MYO1B: variants seen among roughly 807,000 people sequenced by gnomAD.
MYO1B encodes myosin IB, also known as unconventional myosin-Ib.
MYO1B carries 72 observed loss-of-function variants against 159.7 expected under a neutral mutation model. The ratio of observed to expected loss-of-function variants is 0.45; its 90% CI spans 0.37 to 0.55. The LOEUF (loss-of-function observed/expected upper bound fraction) is 0.55. Ranked by LOEUF, MYO1B falls within the 20% of genes least tolerant of loss-of-function variation. MYO1B has a pLI of 0.00. For missense variants in MYO1B, 1,062 were observed against 1,364.8 expected (o/e 0.78, Z 3.50); for synonymous variants, 468 against 473.8 (o/e 0.99, Z 0.16).
intron 30 of MYO1B, among the ~76,000 whole-genome samples, chr2:191,420,000 A>G (rs949635213): frequency 2.0e-4 from 30 of 152,134 alleles, no homozygotes; most frequent in Admixed American, 1.4e-3. Context: ...TAGGAGTTCA[A>G]TACCAGCCTG....
chr2:191,271,077 A>C (rs192022170), intron 1 of MYO1B, among the ~76,000 whole-genome samples: 1 of 152,240 alleles, frequency 6.6e-6, no homozygotes, highest in Non-Finnish European at 1.5e-5. Context: ...TCAGGAAATA[A>C]AGATGAATAA....
chr2:191,339,606 A>T (rs533518003), intron 4 of MYO1B, among the ~76,000 whole-genome samples: 1 of 152,310 alleles, frequency 6.6e-6, no homozygotes, highest in South Asian at 2.1e-4. Context: ...CAGACAACCT[A>T]TTTGGATTCC....
rs146312807 is a variant in MYO1B, at chr2:191,363,780, C to T, written c.818C>T (p.Ala273Val). ...GATCATGAAGCTGAGTCTGTCTTGG[C>T]GGTGGTGGCAGCAGTGTTGAAACTG... ...FMDHEAESVL[A>V]VVAAVLKLGN... Residue 273 changes from alanine to valine, a missense_variant, in exon 10 of 31, where the codon GCG (alanine) becomes GTG (valine). By Grantham distance (64) the Ala-to-Val change is moderately conservative. Transcript: ENST00000392318. 3.0e-5 allele frequency: 49 copies of T among 1,613,326 alleles called. No individual in the cohort carries two copies. Among genetic ancestry groups the T allele is most frequent in the South Asian group, 1.2e-4 (11 of 91,042 alleles).
chr2:191,398,430 C>CA lies in MYO1B; in HGVS notation c.2295+1933_2295+1934insA, dbSNP rs1468189443. On this transcript the variant is annotated intron_variant, in intron 21 of 30. Coordinates refer to ENST00000392318, the MANE Select transcript of MYO1B (RefSeq NM_001130158.3). Reference sequence around the variant, plus strand: ...TGGCCGGGCGGGGGGCTGACCCCCCCCCACCTCCCTCCCGGACGGAGACGC... The same window carrying CA: ...TGGCCGGGCGGGGGGCTGACCCCCCCACCACCTCCCTCCCGGACGGAGACGC... Among the ~76,000 whole-genome samples the CA allele has an allele frequency of 5.5e-5, 8 of 145,846 alleles. 1 individual carries two copies. The highest frequency in any genetic ancestry group is 5.4e-4 in the Admixed American group (8 of 14,862).
At chr2:191,321,191 C>T (rs989125895) in intron 3 of MYO1B, among the ~76,000 whole-genome samples, 1 of 152,152 alleles carries the variant, frequency 6.6e-6, no homozygotes, top group Non-Finnish European at 1.5e-5. Flanking sequence ...CAGTAGGGAA[C>T]ATCTGTCTGT....
rs144710219 is a variant in MYO1B, at chr2:191,378,633, G to A, written c.1186-2829G>A. On this transcript the variant is annotated intron_variant, in intron 13 of 30. Coordinates refer to ENST00000392318, the MANE Select transcript of MYO1B (RefSeq NM_001130158.3). ...TATACGTGCTGGTCACTGGGGATAC[G>A]ATGGCTTAGCTTGGGCTCAGAGGCT... Among the ~76,000 whole-genome samples, 39 of 152,276 alleles carry A rather than the reference G, an allele frequency of 2.6e-4. 1 individual carries two copies. Among genetic ancestry groups the A allele is most frequent in the African/African-American group, 7.9e-4 (33 of 41,558 alleles).
chr2:191,387,577 T>C (rs761598279), intron 17 of MYO1B, 127 bp downstream of exon 17: 8 of 807,628 alleles, frequency 9.9e-6, no homozygotes. Flanking sequence ...ACAGATTAAA[T>C]AATACCTTAT....
chr2:191,318,548 C>T lies in MYO1B; in HGVS notation c.252-11387C>T, dbSNP rs544427635. Among the ~76,000 whole-genome samples the T allele has an allele frequency of 2.3e-3, 354 of 152,328 alleles. 2 individuals carry two copies. The highest frequency in any genetic ancestry group is 6.5e-3 in the Admixed American group (99 of 15,302). On this transcript the variant is annotated intron_variant, in intron 3 of 30. Coordinates refer to ENST00000392318, the MANE Select transcript of MYO1B (RefSeq NM_001130158.3). ...GTCTCTGTTCCGATCCAAGGTCTCT[C>T]GCTTCTACCCAGCTGTTCTGGGAGG...
chr2:191,249,832 TCTC>T (rs1326981105), intron 1 of MYO1B, among the ~76,000 whole-genome samples: 2 of 152,164 alleles, frequency 1.3e-5, no homozygotes, highest in African/African-American at 4.8e-5. Flanking sequence ...GCTATGAAAT[TCTC>T]CTCCACTGGC....
rs1198272174 is a variant in MYO1B at position 191,424,136 on chromosome 2, A to C, written c.*176A>C. 1.4e-6 allele frequency: 1 copy of C among 717,876 alleles called. No individual in the cohort carries two copies. Among genetic ancestry groups the C allele is most frequent in the Non-Finnish European group, 2.3e-6 (1 of 437,906 alleles). The allele number at this position is 717,876 out of a possible 1,614,324, so 44.5% of individuals were successfully genotyped here. ...TTATTGGAATAGTTTTAACCTTTCA[A>C]ATACATGTTCTGTCCTGGAGCAGGA... On this transcript the variant is annotated 3_prime_UTR_variant, in exon 31 of 31. Transcript: ENST00000392318.
chr2:191,366,086 T>C (rs1693993040), intron 11 of MYO1B, among the ~76,000 whole-genome samples: 1 of 152,194 alleles, frequency 6.6e-6, no homozygotes, highest in Non-Finnish European at 1.5e-5. Flanking sequence ...GCCACCGAGT[T>C]TGGACATTTT....
chr2:191,328,224 G>A (rs1358876751), intron 3 of MYO1B, among the ~76,000 whole-genome samples: 1 of 152,182 alleles, frequency 6.6e-6, no homozygotes, highest in East Asian at 1.9e-4. Flanking sequence ...GCACATCAAA[G>A]GTGTTCAGTA....
intron 11 of MYO1B, among the ~76,000 whole-genome samples, chr2:191,369,070 A>C (rs1268430908): frequency 6.6e-6 from 1 of 152,128 alleles, no homozygotes; most frequent in Non-Finnish European, 1.5e-5. Flanking sequence ...TTGAATTTCC[A>C]TTTCTGTGTA....
In MYO1B at chr2:191,373,548, C is replaced by T. The variant is rs762677707; in HGVS notation, c.1185+3256C>T. ...CCCAGCACTTTGGGAGGCCAACGTGCGTGGATCACGAGGTCAGGAGATCGA... is the reference window on the plus strand; with the variant it reads ...CCCAGCACTTTGGGAGGCCAACGTGTGTGGATCACGAGGTCAGGAGATCGA... On this transcript the variant is annotated intron_variant, in intron 13 of 30. Coordinates refer to ENST00000392318, the MANE Select transcript of MYO1B (RefSeq NM_001130158.3). 2.6e-5 allele frequency among the ~76,000 whole-genome samples: 4 copies of T among 152,258 alleles called. 1 individual carries two copies. The highest frequency in any genetic ancestry group is 1.9e-4 in the East Asian group (1 of 5,182).
chr2:191,354,237 T>C (rs951930842), intron 7 of MYO1B, among the ~76,000 whole-genome samples: 23 of 150,002 alleles, frequency 1.5e-4, no homozygotes, highest in Middle Eastern at 3.5e-3. Context: ...GCCTGGGTGA[T>C]AGAGCAAGAC....
chr2:191,406,864 C>T (rs904942797), intron 24 of MYO1B, among the ~76,000 whole-genome samples: 4 of 152,268 alleles, frequency 2.6e-5, no homozygotes, highest in East Asian at 3.9e-4. Context: ...AAAAGAAAAA[C>T]TGCCTATAAG....
intron 26 of MYO1B, among the ~76,000 whole-genome samples, chr2:191,410,132 T>G (rs1697171149): frequency 6.6e-6 from 1 of 152,194 alleles, no homozygotes; most frequent in African/African-American, 2.4e-5. Flanking sequence ...TTGTCTCCTT[T>G]CTTGAGTCTA....
intron 3 of MYO1B, among the ~76,000 whole-genome samples, chr2:191,307,327 A>G (rs1689708606): frequency 6.6e-6 from 1 of 152,102 alleles, no homozygotes; most frequent in Non-Finnish European, 1.5e-5. Context: ...CTAGCATGCT[A>G]AAGCATTATA....
intron 13 of MYO1B, among the ~76,000 whole-genome samples, chr2:191,375,250 T>A (rs1292512505): frequency 1.3e-5 from 2 of 152,222 alleles, no homozygotes; most frequent in Non-Finnish European, 2.9e-5. Context: ...AATCTAATAC[T>A]TGGGCAAGAG....
Sources: gnomAD v4.1 joint callset for allele counts (sites outside exome capture counted in the v4.1 genomes callset) on GRCh38, gnomAD v4.1.1 for gene constraint, MANE v1.5 for transcripts, NCBI Gene and HGNC (gene_info 2026-07-23, HGNC 2026-07-21) for gene names.